Variants in NELL1 observed in about 807,000 individuals in gnomAD.
NELL1 encodes neural EGFL like 1, also known as protein kinase C-binding protein NELL1.
A neutral mutation model predicts 107.4 loss-of-function variants in NELL1; 76 were observed. The observed-to-expected ratio is 0.71, with a 90% CI of 0.59 to 0.86. The LOEUF (loss-of-function observed/expected upper bound fraction) is 0.86. Ranked by LOEUF, NELL1 falls within the 40% of genes least tolerant of loss-of-function variation. The pLI is 0.00. For missense variants in NELL1, 1,024 were observed against 1,005.5 expected (o/e 1.02, Z -0.25); for synonymous variants, 353 against 341.2 (o/e 1.03, Z -0.38).
intron 15 of NELL1, among the ~76,000 whole-genome samples, chr11:21,510,980 C>T (rs1262892506): frequency 6.6e-6 from 1 of 152,044 alleles, no homozygotes; most frequent in Non-Finnish European, 1.5e-5. Flanking sequence ...CTTCAATTTC[C>T]AGCTGTATGA....
At chr11:21,158,354 T>C in intron 13 of NELL1, among the ~76,000 whole-genome samples, 1 of 152,294 alleles carries the variant, frequency 6.6e-6, no homozygotes, top group Middle Eastern at 3.4e-3. Context: ...TAAACTCCCT[T>C]TCATATATAC....
At chr11:20,930,965 A>G (rs995622154) in intron 9 of NELL1, among the ~76,000 whole-genome samples, 1 of 152,188 alleles carries the variant, frequency 6.6e-6, no homozygotes, top group Non-Finnish European at 1.5e-5. Context: ...CTTAAAAAGA[A>G]ATGATACAAG....
intron 13 of NELL1, among the ~76,000 whole-genome samples, chr11:21,223,351 A>C (rs1857810104): frequency 6.6e-6 from 1 of 151,898 alleles, no homozygotes; most frequent in South Asian, 2.1e-4. Flanking sequence ...TTTTTTACTT[A>C]ATATCTATTT....
chr11:21,426,111 T>C (rs1174417944), intron 15 of NELL1, among the ~76,000 whole-genome samples: 1 of 152,214 alleles, frequency 6.6e-6, no homozygotes, highest in East Asian at 1.9e-4. Flanking sequence ...AAAACCCTTT[T>C]GTTTACTGGT....
chr11:21,116,799 C>T (rs187311259), intron 13 of NELL1, among the ~76,000 whole-genome samples: 1 of 152,094 alleles, frequency 6.6e-6, no homozygotes, highest in East Asian at 1.9e-4. Context: ...TCAGCCATGG[C>T]CATCACATTG....
intron 5 of NELL1, among the ~76,000 whole-genome samples, chr11:20,904,552 T>C (rs2134137060): frequency 6.6e-6 from 1 of 152,220 alleles, no homozygotes; most frequent in East Asian, 1.9e-4. Context: ...CTTTGGACAA[T>C]TAGAACATTC....
chr11:21,570,078 G>C (rs1857063075), intron 17 of NELL1, among the ~76,000 whole-genome samples: 1 of 151,810 alleles, frequency 6.6e-6, no homozygotes, highest in Admixed American at 6.6e-5. Flanking sequence ...ATTTTTTATA[G>C]CTATGAATCC....
intron 14 of NELL1, among the ~76,000 whole-genome samples, chr11:21,264,071 G>GGGGTGTGTGTGT (rs1554989861): frequency 2.9e-5 from 4 of 139,532 alleles, no homozygotes; most frequent in Admixed American, 7.2e-5. Flanking sequence ...TCTACAATGG[G>GGGGTGTGTGTGT]GTGTGTGTGT....
At chr11:21,096,589 T>C (rs1417448527) in intron 12 of NELL1, among the ~76,000 whole-genome samples, 1 of 152,282 alleles carries the variant, frequency 6.6e-6, no homozygotes, top group East Asian at 1.9e-4. Context: ...TTTGTTGAGG[T>C]CTTTGGCACC....
intron 5 of NELL1, among the ~76,000 whole-genome samples, chr11:20,894,038 G>T (rs1004294816): frequency 2.0e-5 from 3 of 152,076 alleles, no homozygotes; most frequent in Non-Finnish European, 4.4e-5. Flanking sequence ...GGCATGGATG[G>T]CCTACTCACT....
intron 2 of NELL1, among the ~76,000 whole-genome samples, chr11:20,741,532 C>T (rs1855889635): frequency 6.6e-6 from 1 of 152,154 alleles, no homozygotes. Flanking sequence ...AGGGCAGAGA[C>T]ATTTTAGAAT....
At chr11:20,737,539 G>T (rs1469519540) in intron 2 of NELL1, among the ~76,000 whole-genome samples, 1 of 152,098 alleles carries the variant, frequency 6.6e-6, no homozygotes, top group Non-Finnish European at 1.5e-5. Context: ...GTTTACATGT[G>T]TAAAACAGGT....
intron 3 of NELL1, among the ~76,000 whole-genome samples, chr11:20,845,012 C>A (rs12284609): frequency 5.3e-5 from 8 of 151,976 alleles, no homozygotes; most frequent in African/African-American, 1.5e-4. Flanking sequence ...CCTTATTTTC[C>A]TCCTAGCCCT....
intron 4 of NELL1, among the ~76,000 whole-genome samples, chr11:20,862,209 C>G (rs1353912737): frequency 1.3e-5 from 2 of 152,174 alleles, no homozygotes; most frequent in Admixed American, 1.3e-4. Flanking sequence ...GACTATGATT[C>G]TTTCTCATCT....
chr11:21,412,970 C>A (rs1251807301), intron 15 of NELL1, among the ~76,000 whole-genome samples: 2 of 152,094 alleles, frequency 1.3e-5, no homozygotes, highest in Admixed American at 1.3e-4. Flanking sequence ...GTAATTCTGG[C>A]CCCTGATTAT....
intron 14 of NELL1, among the ~76,000 whole-genome samples, chr11:21,265,322 T>A (rs1013707751): frequency 6.6e-6 from 1 of 152,126 alleles, no homozygotes; most frequent in East Asian, 1.9e-4. Context: ...CTCTTCTTAG[T>A]GTAAAAATAG....
intron 15 of NELL1, among the ~76,000 whole-genome samples, chr11:21,371,569 C>G (rs1009384652): frequency 1.3e-5 from 2 of 152,040 alleles, no homozygotes; most frequent in Non-Finnish European, 2.9e-5. Flanking sequence ...TGGAGAAGCC[C>G]TCCTATTTGT....
chr11:21,138,453 C>G (rs1337642028), intron 13 of NELL1, among the ~76,000 whole-genome samples: 1 of 152,118 alleles, frequency 6.6e-6, no homozygotes, highest in Non-Finnish European at 1.5e-5. Context: ...GACACGTCAA[C>G]AAGAAAATAA....
intron 16 of NELL1, among the ~76,000 whole-genome samples, chr11:21,547,355 T>C (rs113067098): frequency 2.6e-5 from 4 of 151,816 alleles, no homozygotes; most frequent in African/African-American, 9.6e-5. Context: ...CCAGTGTAGA[T>C]GAAGCACGTG....
Sources: gnomAD v4.1 joint callset for allele counts (sites outside exome capture counted in the v4.1 genomes callset) on GRCh38, gnomAD v4.1.1 for gene constraint, MANE v1.5 for transcripts, NCBI Gene and HGNC (gene_info 2026-07-23, HGNC 2026-07-21) for gene names.